The following TRPM3 variants were observed in gnomAD, a reference collection of about 807,000 sequenced individuals.
TRPM3 encodes the protein long transient receptor potential channel 3.
TRPM3 carries 77 observed loss-of-function variants against 181.2 expected under a neutral mutation model. The ratio of observed to expected loss-of-function variants is 0.42; its 90% confidence interval spans 0.35 to 0.51. The LOEUF (loss-of-function observed/expected upper bound fraction) is 0.51. Ranked by LOEUF, TRPM3 falls within the 20% of genes least tolerant of loss-of-function variation. The pLI is 0.01. For synonymous variants in TRPM3, 745 were observed against 796.4 expected, an observed-to-expected ratio of 0.94 and a Z score of 1.09; for missense variants, 1,759 against 2,196.7, an observed-to-expected ratio of 0.80 and a Z score of 3.98.
At chr9:70,806,579 ACTCGGGAGGCTGAGGCAGAAGAATCG>A (rs1284914419) in intron 6 of TRPM3, among the ~76,000 whole-genome samples, 1 of 151,972 alleles carries the variant, frequency 6.6e-6, no homozygotes, top group African/African-American at 2.4e-5. Context: ...TAGCCCAGCT[ACTCGGGAGGCTGAGGCAGAAGAATCG>A]CTGGAACACG....
At chr9:71,294,895 A>C (rs2086126009) in intron 1 of TRPM3, among the ~76,000 whole-genome samples, 1 of 152,176 alleles carries the variant, frequency 6.6e-6, no homozygotes, top group Admixed American at 6.5e-5. Context: ...TTCCATTTAT[A>C]TGAAATGGAC....
At chr9:70,572,794 A>C (rs1267223791) in intron 22 of TRPM3, among the ~76,000 whole-genome samples, 1 of 152,206 alleles carries the variant, frequency 6.6e-6, no homozygotes, top group Non-Finnish European at 1.5e-5. Context: ...TACAAAATAC[A>C]TTTTTTAAAC....
chr9:71,224,168 C>CT (rs1391785026), intron 1 of TRPM3, among the ~76,000 whole-genome samples: 4 of 152,194 alleles, frequency 2.6e-5, no homozygotes, highest in Non-Finnish European at 4.4e-5. Context: ...GTCACCCCTC[C>CT]TCCAGCTCCA....
chr9:70,559,190 T>G (rs1304886076), intron 22 of TRPM3, among the ~76,000 whole-genome samples: 8 of 152,234 alleles, frequency 5.3e-5, no homozygotes, highest in Admixed American at 5.2e-4. Flanking sequence ...GAACACTACC[T>G]GGCACATAGT....
At chr9:70,809,905 C>T (rs1469247678) in intron 6 of TRPM3, 1 of 526,842 alleles carries the variant, frequency 1.9e-6, no homozygotes, top group Non-Finnish European at 3.9e-6. Flanking sequence ...AGTTATGGGC[C>T]CAATGATGGA....
chr9:71,320,775 A>C (rs2089148014), intron 1 of TRPM3, among the ~76,000 whole-genome samples: 1 of 152,088 alleles, frequency 6.6e-6, no homozygotes, highest in South Asian at 2.1e-4. Context: ...CTATCCACTA[A>C]CCTACTTGAA....
rs139116871 is a variant in TRPM3 at position 70,588,076 on chromosome 9, T to A, written c.3223+2955A>T. Among the ~76,000 whole-genome samples, 24 of 152,350 alleles carry A rather than the reference T, an allele frequency of 1.6e-4. No homozygotes were observed. In the East Asian group the frequency reaches 2.3e-3, roughly 15 times the overall value. On this transcript the variant is annotated intron_variant, in intron 22 of 25. Transcript: ENST00000677713. ...AGGCTGAACTATCATTTGTGTTTAG[T>A]TCAACATGGCTTAGAGGTGAAAAGC...
At chr9:70,845,144 T>C (rs2094900688) in intron 4 of TRPM3, among the ~76,000 whole-genome samples, 1 of 152,160 alleles carries the variant, frequency 6.6e-6, no homozygotes, top group African/African-American at 2.4e-5. Flanking sequence ...TGCAGAATGT[T>C]CACAAATTCT....
At chr9:70,565,944 C>T (rs1190120538) in intron 22 of TRPM3, among the ~76,000 whole-genome samples, 1 of 152,082 alleles carries the variant, frequency 6.6e-6, no homozygotes, top group African/African-American at 2.4e-5. Context: ...TGACACATTT[C>T]CAGCTTCCCT....
intron 1 of TRPM3, among the ~76,000 whole-genome samples, chr9:70,921,626 C>T (rs867730456): frequency 6.6e-6 from 1 of 152,142 alleles, no homozygotes; most frequent in African/African-American, 2.4e-5. Flanking sequence ...GAGTTTGATA[C>T]GTGTCTCTAG....
At chr9:71,411,035 T>G (rs1006179476) in intron 1 of TRPM3, among the ~76,000 whole-genome samples, 2 of 152,186 alleles carry the variant, frequency 1.3e-5, no homozygotes, top group Non-Finnish European at 2.9e-5. Flanking sequence ...AGAAAAGGCC[T>G]TTGACAAAAT....
chr9:70,597,559 A>G (rs904030442), intron 21 of TRPM3, among the ~76,000 whole-genome samples: 5 of 152,118 alleles, frequency 3.3e-5, no homozygotes, highest in Admixed American at 6.5e-5. Context: ...GAGCTTGTTT[A>G]CTGATGCATT....
intron 1 of TRPM3, among the ~76,000 whole-genome samples, chr9:71,089,319 G>T (rs1003425058): frequency 1.3e-5 from 2 of 150,946 alleles, no homozygotes; most frequent in South Asian, 4.2e-4. Flanking sequence ...CTCCAAACAT[G>T]CTATACAAAG....
chr9:71,033,766 T>C (rs765258211), intron 1 of TRPM3, among the ~76,000 whole-genome samples: 1 of 152,226 alleles, frequency 6.6e-6, no homozygotes, highest in Non-Finnish European at 1.5e-5. Flanking sequence ...ATATACTTGA[T>C]GAATTTTTAT....
intron 1 of TRPM3, among the ~76,000 whole-genome samples, chr9:71,213,660 AG>A (rs2079659115): frequency 6.6e-6 from 1 of 152,206 alleles, no homozygotes; most frequent in Admixed American, 6.5e-5. Context: ...TTTAAAAAAG[AG>A]GTAACAGGAA....
chr9:71,176,576 T>A (rs1364750968), intron 1 of TRPM3, among the ~76,000 whole-genome samples: 1 of 152,082 alleles, frequency 6.6e-6, no homozygotes, highest in Non-Finnish European at 1.5e-5. Context: ...ATTGAAAAAA[T>A]AAAATTTTAT....
intron 5 of TRPM3, 29 bp downstream of exon 5, chr9:70,842,974 C>G: frequency 6.2e-7 from 1 of 1,608,830 alleles, no homozygotes; most frequent in South Asian, 1.1e-5. Flanking sequence ...TAGGAGAAGT[C>G]ATGGAAAGCG....
intron 1 of TRPM3, among the ~76,000 whole-genome samples, chr9:71,410,847 A>T (rs1271289071): frequency 6.6e-6 from 1 of 152,192 alleles, no homozygotes; most frequent in African/African-American, 2.4e-5. Context: ...ATTGACGCAA[A>T]AATCCTCAAA....
chr9:70,906,739 C>T (rs547829276), intron 1 of TRPM3, among the ~76,000 whole-genome samples: 118 of 152,198 alleles, frequency 7.8e-4, no homozygotes, highest in African/African-American at 2.8e-3. Flanking sequence ...CCACTATCTA[C>T]TAAAAATACA....
Sources: gnomAD v4.1 joint callset for allele counts (sites outside exome capture counted in the v4.1 genomes callset) on GRCh38, gnomAD v4.1.1 for gene constraint, MANE v1.5 for transcripts, NCBI Gene and HGNC (gene_info 2026-07-23, HGNC 2026-07-21) for gene names.